The following GRB2 variants were observed in gnomAD, a reference collection of about 807,000 sequenced individuals.
GRB2 encodes the protein growth factor receptor bound protein 2.
GRB2 carries 2 observed loss-of-function variants against 27.4 expected under a neutral mutation model. That is an observed-to-expected ratio of 0.07 (90% CI 0.03 to 0.23). The LOEUF (loss-of-function observed/expected upper bound fraction) is 0.23. Among genes scored for constraint, GRB2 ranks in the 10% least tolerant of loss-of-function variants. GRB2 has a pLI of 1.00. For synonymous variants in GRB2, 94 were observed against 99.6 expected (o/e 0.94, Z 0.33); for missense variants, 102 against 282.4 (o/e 0.36, Z 4.58).
intron 2 of GRB2, among the ~76,000 whole-genome samples, chr17:75,380,181 A>C (rs1405317704): frequency 6.6e-6 from 1 of 152,140 alleles, no homozygotes; most frequent in African/African-American, 2.4e-5. Context: ...TTTTAATAGG[A>C]AACAAATTTG....
At chr17:75,361,505 G>A (rs1435093) in intron 2 of GRB2, among the ~76,000 whole-genome samples, 98,758 of 152,072 alleles carry the variant, frequency 0.65, 38,434 homozygotes, top group East Asian at 0.91. Context: ...AACTAACTGC[G>A]TAATTTATCA....
chr17:75,369,193 G>T (rs1294401649), intron 2 of GRB2, among the ~76,000 whole-genome samples: 2 of 152,106 alleles, frequency 1.3e-5, no homozygotes, highest in East Asian at 3.9e-4. Flanking sequence ...CACAGCTTTG[G>T]TATATAAAAA....
At chr17:75,381,888 T>G (rs1383800809) in intron 2 of GRB2, among the ~76,000 whole-genome samples, 1 of 152,038 alleles carries the variant, frequency 6.6e-6, no homozygotes, top group Non-Finnish European at 1.5e-5. Context: ...CTAAAAGCTC[T>G]TGCATTTTTC....
At chr17:75,366,093 G>C (rs2078817296) in intron 2 of GRB2, among the ~76,000 whole-genome samples, 1 of 152,034 alleles carries the variant, frequency 6.6e-6, no homozygotes, top group Non-Finnish European at 1.5e-5. Flanking sequence ...TAGTAGAACA[G>C]TTAAATATTT....
chr17:75,368,232 G>A (rs933096452), intron 2 of GRB2, among the ~76,000 whole-genome samples: 1 of 47,130 alleles, frequency 2.1e-5, no homozygotes, highest in Non-Finnish European at 5.2e-5. Flanking sequence ...TTTTTTTTTT[G>A]AGACAGAGTC....
At chr17:75,389,863 A>G (rs2078987744) in intron 2 of GRB2, among the ~76,000 whole-genome samples, 1 of 152,156 alleles carries the variant, frequency 6.6e-6, no homozygotes, top group East Asian at 1.9e-4. Flanking sequence ...AAAAAAATAA[A>G]TAAAAATAAA....
intron 2 of GRB2, among the ~76,000 whole-genome samples, chr17:75,362,470 T>G (rs1288910786): frequency 6.6e-6 from 1 of 152,258 alleles, no homozygotes; most frequent in African/African-American, 2.4e-5. Flanking sequence ...AGAACACACG[T>G]AAGTCAGAAA....
At position 75,320,470 on chromosome 17, in the gene GRB2, A is replaced by G. The variant is rs1281331105; in HGVS notation, c.552T>C (p.His184=). 2 of 1,613,848 alleles carry G rather than the reference A, an allele frequency of 1.2e-6. No homozygotes were observed. Among genetic ancestry groups the G allele is most frequent in the Non-Finnish European group, 1.7e-6 (2 of 1,179,876 alleles). Residue 184 remains histidine (H), a synonymous_variant, in exon 6 of 6, where the codon CAT becomes CAC. Coordinates refer to ENST00000316804, the MANE Select transcript of GRB2 (RefSeq NM_002086.5). The surrounding 1 kb of genome is among the most constrained non-coding windows in gnomAD (Gnocchi z 4.3). ...ELGFRRGDFI[H]VMDNSDPNWW... is the part of the protein sequence containing the mutation. ...AGTTGGGGTCTGAGTTATCCATGAC[A>G]TGGATAAAATCTCCCCGGCGGAAGC...
Position 75,346,716 on chromosome 17 carries a change from G to A in GRB2, c.79-13919C>T, listed in dbSNP as rs533967167. On this transcript the variant is annotated intron_variant, in intron 2 of 5. Transcript: ENST00000316804. ...CCCTGCCTCAGCCTCCCAAGCAGCT[G>A]GGATTACCACACCTGGCTAATTTTT... is the stretch of plus-strand genomic sequence containing the variant. 9.0e-3 allele frequency among the ~76,000 whole-genome samples: 1,358 copies of A among 150,758 alleles called. 8 individuals are homozygous for A. Among genetic ancestry groups the A allele is most frequent in the Non-Finnish European group, 0.015 (1,002 of 67,814 alleles).
At chr17:75,397,577 A>G (rs1299663194) in intron 1 of GRB2, among the ~76,000 whole-genome samples, 1 of 152,174 alleles carries the variant, frequency 6.6e-6, no homozygotes, top group East Asian at 1.9e-4. Flanking sequence ...AAATTCACAG[A>G]AAATAAAATA....
chr17:75,359,507 A>AAAT (rs10628038), intron 2 of GRB2, among the ~76,000 whole-genome samples: 60 of 148,178 alleles, frequency 4.0e-4, no homozygotes, highest in African/African-American at 1.1e-3. Context: ...CATTGTCTCA[A>AAAT]AATAATAATA....
At chr17:75,399,737 T>C (rs540884692) in intron 1 of GRB2, among the ~76,000 whole-genome samples, 62 of 151,762 alleles carry the variant, frequency 4.1e-4, no homozygotes, top group African/African-American at 1.5e-3. Flanking sequence ...TGACGCAATC[T>C]TGGCTCGCTG....
At chr17:75,394,453 C>T (rs2079018028) in intron 1 of GRB2, 1 of 152,222 alleles carries the variant, frequency 6.6e-6, no homozygotes, top group Non-Finnish European at 1.5e-5. Flanking sequence ...AAGATCACAG[C>T]TCCAAGCTGT....
chr17:75,396,121 G>GGCCGCTGTGCCTGACC (rs1418511218), intron 1 of GRB2, among the ~76,000 whole-genome samples: 5 of 152,034 alleles, frequency 3.3e-5, no homozygotes, highest in African/African-American at 1.2e-4. Flanking sequence ...TACAGGCATC[G>GGCCGCTGTGCCTGACC]GCCGCTGTGC....
chr17:75,321,216 G>A (rs1022866214), intron 5 of GRB2, among the ~76,000 whole-genome samples: 3 of 136,904 alleles, frequency 2.2e-5, no homozygotes, highest in Admixed American at 7.7e-5. Flanking sequence ...TCCCTCTGTC[G>A]CCCAGGTTGG....
At chr17:75,395,092 G>A (rs2079021638) in intron 1 of GRB2, 1 of 152,218 alleles carries the variant, frequency 6.6e-6, no homozygotes, top group South Asian at 2.1e-4. Flanking sequence ...AGGGGCACAA[G>A]TGATTATTAT....
intron 2 of GRB2, among the ~76,000 whole-genome samples, chr17:75,379,697 TG>T (rs2078915703): frequency 1.3e-5 from 2 of 152,166 alleles, no homozygotes; most frequent in South Asian, 4.1e-4. Flanking sequence ...CCTGGTCACT[TG>T]ATTTCTTAAT....
At chr17:75,404,634 A>G (rs2079086779) in intron 1 of GRB2, among the ~76,000 whole-genome samples, 1 of 152,100 alleles carries the variant, frequency 6.6e-6, no homozygotes, top group African/African-American at 2.4e-5. Flanking sequence ...ATAGAGAAGG[A>G]AGGAAATAAC....
chr17:75,333,303 T>G (rs554436388), intron 2 of GRB2, among the ~76,000 whole-genome samples: 45 of 152,296 alleles, frequency 3.0e-4, no homozygotes, highest in African/African-American at 1.0e-3. Context: ...CTTGAACTCC[T>G]GGCCTCAGGT....
Sources: gnomAD v4.1 joint callset for allele counts (sites outside exome capture counted in the v4.1 genomes callset) on GRCh38, gnomAD v4.1.1 for gene constraint, Gnocchi (gnomAD v3.1) non-coding constraint, MANE v1.5 for transcripts, NCBI Gene and HGNC (gene_info 2026-07-23, HGNC 2026-07-21) for gene names.